Variants in GABRR3 observed in about 807,000 individuals in gnomAD.
GABRR3 encodes gamma-aminobutyric acid receptor subunit rho-3.
Under a neutral mutation model 43.2 loss-of-function variants are expected in GABRR3, and 29 were observed. The ratio of observed to expected loss-of-function variants is 0.67; its 90% CI spans 0.50 to 0.92. GABRR3 has a LOEUF of 0.92. GABRR3 is among the 40% of genes least tolerant of loss of function. GABRR3 has a pLI of 0.00. For synonymous variants in GABRR3, 206 were observed against 195.9 expected (o/e 1.05, Z -0.43); for missense variants, 576 against 572.3 (o/e 1.01, Z -0.07).
chr3:98,006,220 CTT>C (rs1706723793), intron 7 of GABRR3, among the ~76,000 whole-genome samples: 1 of 152,096 alleles, frequency 6.6e-6, no homozygotes, highest in Admixed American at 6.5e-5. Context: ...TCTGAGGTCT[CTT>C]CAAATTATCT....
chr3:98,007,700 TG>T, intron 7 of GABRR3, 63 bp downstream of exon 7: 1 of 1,570,956 alleles, frequency 6.4e-7, no homozygotes, highest in Middle Eastern at 1.7e-4. Context: ...TCGCATGTTG[TG>T]GTGCTTTGCA....
At chr3:98,024,524 C>A (rs1180166852) in intron 3 of GABRR3, among the ~76,000 whole-genome samples, 1 of 152,176 alleles carries the variant, frequency 6.6e-6, no homozygotes, top group African/African-American at 2.4e-5. Context: ...TCTGCAGTAC[C>A]TACATGCCTA....
At chr3:98,031,241 C>T (rs1377811152) in intron 2 of GABRR3, among the ~76,000 whole-genome samples, 1 of 152,188 alleles carries the variant, frequency 6.6e-6, no homozygotes, top group Admixed American at 6.5e-5. Flanking sequence ...ACTTGGGTCT[C>T]TGTCAGATCA....
rs989608761 is a variant in GABRR3, at chr3:97,986,992, A to T, written c.1105-10T>A. On this transcript the variant is annotated splice_polypyrimidine_tract_variant and intron_variant, in intron 9 of 9. Transcript: ENST00000621172. The stretch of plus-strand genomic sequence containing the variant: ...TGTACATCCTAGAAATCTGTCAAAA[A>T]ACTTTTTTTTAAAGTAGGTCTTGAA... 6.5e-7 allele frequency: 1 copy of T among 1,535,724 alleles called. No homozygotes were observed. The highest frequency in any genetic ancestry group is 8.7e-7 in the Non-Finnish European group (1 of 1,144,908).
chr3:98,031,873 A>G (rs1576053518), intron 2 of GABRR3, among the ~76,000 whole-genome samples: 1 of 152,128 alleles, frequency 6.6e-6, no homozygotes, highest in African/African-American at 2.4e-5. Context: ...TCTTGCTTGC[A>G]GTAGCATTGG....
intron 1 of GABRR3, 59 bp from the exon 2 acceptor site, chr3:98,035,048 GT>G (rs1707134669): frequency 6.4e-7 from 1 of 1,552,672 alleles, no homozygotes; most frequent in South Asian, 1.2e-5. Context: ...TGTGATCACA[GT>G]TTCTTCTTCA....
intron 8 of GABRR3, chr3:97,999,009 CA>C (rs1352656889): frequency 6.6e-6 from 1 of 152,012 alleles, no homozygotes; most frequent in Non-Finnish European, 1.5e-5. Context: ...GTCCTAAGGC[CA>C]TAGTTTGAGA....
intron 7 of GABRR3, among the ~76,000 whole-genome samples, chr3:98,003,656 C>A (rs1706684272): frequency 6.6e-6 from 1 of 152,014 alleles, no homozygotes; most frequent in Non-Finnish European, 1.5e-5. Flanking sequence ...AGCTCTCAAG[C>A]CCAACTTCTC....
intron 2 of GABRR3, among the ~76,000 whole-genome samples, chr3:98,026,143 G>A (rs1042204327): frequency 2.0e-5 from 3 of 152,100 alleles, no homozygotes; most frequent in East Asian, 1.9e-4. Context: ...GCGAGAAAAC[G>A]AAAGGACCGC....
chr3:98,034,722 A>G lies in GABRR3; in HGVS notation c.125+141T>C, dbSNP rs1707129870. 3 of 980,478 alleles carry G rather than the reference A, an allele frequency of 3.1e-6. No individual in the cohort carries two copies. The South Asian group carries it at 5.5e-5, about 18-fold the overall frequency. The allele number at this position is 980,478 out of a possible 1,614,324, so 60.7% of individuals were successfully genotyped here. On this transcript the variant is annotated intron_variant, in intron 2 of 9. Transcript: ENST00000621172. ...AAACAGAGGTGATTTATGATGATGC[A>G]TGAATGCTATCTCTAGAGACAGACA...
At chr3:98,033,009 G>C (rs1463275139) in intron 2 of GABRR3, among the ~76,000 whole-genome samples, 1 of 152,076 alleles carries the variant, frequency 6.6e-6, no homozygotes, top group African/African-American at 2.4e-5. Flanking sequence ...ACTCTATACA[G>C]TAATTACTGT....
intron 9 of GABRR3, among the ~76,000 whole-genome samples, chr3:97,992,634 A>G (rs1706485989): frequency 6.6e-6 from 1 of 152,200 alleles, no homozygotes; most frequent in Non-Finnish European, 1.5e-5. Context: ...TTTTGCACAC[A>G]CAAAAACTCC....
intron 3 of GABRR3, 66 bp from the exon 4 acceptor site, chr3:98,017,788 CAG>C (rs1195242697): frequency 1.8e-6 from 2 of 1,141,110 alleles, no homozygotes; most frequent in Non-Finnish European, 2.5e-6. Context: ...CCATTTAAAA[CAG>C]AGAGATTAAT....
At position 98,034,665 on chromosome 3, in the gene GABRR3, G is replaced by C. The variant is rs540318866; in HGVS notation, c.125+198C>G. On this transcript the variant is annotated intron_variant, in intron 2 of 9. Coordinates refer to ENST00000621172, the Ensembl canonical transcript of GABRR3. ...AGCATAAATAAATTTACAAATGTCA[G>C]CAAATTCCAAGATATTGCTCTTTCG... 14 of 214,772 alleles carry C rather than the reference G, an allele frequency of 6.5e-5. No homozygotes were observed. In the Admixed American group the frequency reaches 8.5e-4, roughly 13 times the overall value. 13.3% of individuals were successfully genotyped at this position (214,772 alleles called of 1,614,324 possible). A position where few individuals can be genotyped will look rare whatever the true frequency, so the allele number is the denominator to read the frequency against.
At chr3:98,017,284 G>A (rs925000314) in intron 4 of GABRR3, among the ~76,000 whole-genome samples, 4 of 152,254 alleles carry the variant, frequency 2.6e-5, no homozygotes, top group Admixed American at 2.6e-4. Flanking sequence ...TGGTTCAACT[G>A]TTTATTATTT....
At chr3:98,005,530 T>C (rs1706714355) in intron 7 of GABRR3, among the ~76,000 whole-genome samples, 1 of 152,190 alleles carries the variant, frequency 6.6e-6, no homozygotes, top group South Asian at 2.1e-4. Flanking sequence ...GCAAGCATCT[T>C]TGTAAGCAGT....
At chr3:97,990,197 C>G (rs188309610) in intron 9 of GABRR3, among the ~76,000 whole-genome samples, 1 of 152,236 alleles carries the variant, frequency 6.6e-6, no homozygotes, top group East Asian at 1.9e-4. Flanking sequence ...TTTTTACGCC[C>G]TTTTACTATA....
intron 3 of GABRR3, among the ~76,000 whole-genome samples, chr3:98,021,988 G>A (rs1229529886): frequency 6.6e-6 from 1 of 152,136 alleles, no homozygotes; most frequent in Non-Finnish European, 1.5e-5. Flanking sequence ...GTTACAACAC[G>A]TGCCTGAAAC....
Position 98,001,601 on chromosome 3 carries a change from G to A in GABRR3, c.907+14C>T. The A allele has an allele frequency of 6.2e-7, 1 of 1,612,152 alleles. No individual in the cohort carries two copies. The highest frequency in any genetic ancestry group is 8.5e-7 in the Non-Finnish European group (1 of 1,178,808). ...TCCCATGTTAACATTTTATAAAGAT[G>A]GGGAAAGATTTACCCAGGGAAACTC... On this transcript the variant is annotated intron_variant, in intron 8 of 9. Transcript: ENST00000621172.
Sources: gnomAD v4.1 joint callset for allele counts (sites outside exome capture counted in the v4.1 genomes callset) on GRCh38, gnomAD v4.1.1 for gene constraint, MANE v1.5 for transcripts, NCBI Gene and HGNC (gene_info 2026-07-23, HGNC 2026-07-21) for gene names.